HERC3: variants seen among roughly 807,000 people sequenced by gnomAD.
The protein encoded by HERC3 is probable E3 ubiquitin-protein ligase HERC3.
Under a neutral mutation model 129.9 loss-of-function variants are expected in HERC3, and 58 were observed. The ratio of observed to expected loss-of-function variants is 0.45; its 90% CI spans 0.36 to 0.56. The LOEUF is 0.56. HERC3 is among the 20% of genes least tolerant of loss of function. The pLI is 0.00. For missense variants in HERC3, 835 were observed against 1,244.2 expected, an observed-to-expected ratio of 0.67 and a Z score of 4.95; for synonymous variants, 430 against 451.0, an observed-to-expected ratio of 0.95 and a Z score of 0.59.
chr4:88,594,446 C>T (rs1722113615), intron 1 of HERC3, among the ~76,000 whole-genome samples: 1 of 152,172 alleles, frequency 6.6e-6, no homozygotes, highest in African/African-American at 2.4e-5. Context: ...CTCTGTTGCA[C>T]AGGCTGGAGT....
At chr4:88,704,677 A>G in intron 25 of HERC3, 67 bp downstream of exon 25, 2 of 940,050 alleles carry the variant, frequency 2.1e-6, no homozygotes, top group Non-Finnish European at 3.5e-6. Context: ...ATAGGATGAC[A>G]TGCTCCACAG....
chr4:88,616,476 G>C (rs1220043272), intron 3 of HERC3, among the ~76,000 whole-genome samples: 1 of 152,202 alleles, frequency 6.6e-6, no homozygotes, highest in Non-Finnish European at 1.5e-5. Context: ...TTAGTAAATA[G>C]AGTGCAATCC....
At chr4:88,674,914 T>A (rs535854413) in intron 16 of HERC3, among the ~76,000 whole-genome samples, 2 of 152,306 alleles carry the variant, frequency 1.3e-5, no homozygotes, top group East Asian at 3.9e-4. Context: ...TTAAAATTGC[T>A]TATAAATGAT....
At position 88,662,280 on chromosome 4, in the gene HERC3, C is replaced by A. The variant is rs902682876; in HGVS notation, c.1147-151C>A. On this transcript the variant is annotated intron_variant, in intron 10 of 25. Coordinates refer to ENST00000402738, the MANE Select transcript of HERC3 (RefSeq NM_014606.3). Reference sequence around the variant, plus strand: ...CCCAGCTGGGATCTGTCAGGAGCCTCCATTCTGAAGGGTGGAGGGGATCTG... The same window carrying A: ...CCCAGCTGGGATCTGTCAGGAGCCTACATTCTGAAGGGTGGAGGGGATCTG... The A allele has an allele frequency of 7.3e-6, 5 of 688,394 alleles. No individual in the cohort carries two copies. The African/African-American group carries it at 9.1e-5, about 13-fold the overall frequency. 42.6% of individuals were successfully genotyped at this position (688,394 alleles called of 1,614,324 possible). A position where few individuals can be genotyped will look rare whatever the true frequency, so the allele number is the denominator to read the frequency against.
intron 3 of HERC3, among the ~76,000 whole-genome samples, chr4:88,631,083 C>T (rs2149239953): frequency 6.6e-6 from 1 of 152,270 alleles, no homozygotes; most frequent in African/African-American, 2.4e-5. Flanking sequence ...TATTCAGAAA[C>T]ATTTTTCATA....
At chr4:88,609,360 T>C (rs1341588531) in intron 3 of HERC3, among the ~76,000 whole-genome samples, 2 of 152,200 alleles carry the variant, frequency 1.3e-5, no homozygotes, top group Non-Finnish European at 2.9e-5. Flanking sequence ...TACTCTTTCA[T>C]AGGTAGAGTA....
At chr4:88,533,091 G>A in the HERC3 span, among the ~76,000 whole-genome samples, 1 of 152,222 alleles carries the variant, frequency 6.6e-6, no homozygotes, top group Admixed American at 6.5e-5. Context: ...TGTGGCCGAA[G>A]GCCGGAGAAT....
intron 3 of HERC3, among the ~76,000 whole-genome samples, chr4:88,625,393 G>C (rs1725984592): frequency 6.6e-6 from 1 of 151,918 alleles, no homozygotes; most frequent in African/African-American, 2.4e-5. Context: ...TTACTTCTCA[G>C]TATACAGGTC....
chr4:88,695,253 T>G (rs1734484454), intron 23 of HERC3, among the ~76,000 whole-genome samples: 1 of 152,230 alleles, frequency 6.6e-6, no homozygotes. Flanking sequence ...CTCAACAATC[T>G]GTTGTGATTA....
At position 88,633,150 on chromosome 4, in the gene HERC3, G is replaced by A. The variant is rs1471081735; in HGVS notation, c.227-16690G>A. Among the ~76,000 whole-genome samples the A allele has an allele frequency of 2.3e-4, 35 of 152,200 alleles. 1 individual carries two copies. Among genetic ancestry groups the A allele is most frequent in the Admixed American group, 2.2e-3 (34 of 15,270 alleles). ...TCCAGCAAAAATAGCCTTTATAAAT[G>A]AAGGTGAAACAAAGGCAGTTTTAGG... is the stretch of plus-strand genomic sequence containing the variant. On this transcript the variant is annotated intron_variant, in intron 3 of 25. Transcript: ENST00000402738.
chr4:88,594,041 G>GA (rs1293424039), intron 1 of HERC3, among the ~76,000 whole-genome samples: 1 of 152,140 alleles, frequency 6.6e-6, no homozygotes, highest in African/African-American at 2.4e-5. Flanking sequence ...GAACAAGGAG[G>GA]ACAGGTTAGA....
chr4:88,684,225 G>C (rs1453936689), intron 21 of HERC3, among the ~76,000 whole-genome samples: 1 of 152,128 alleles, frequency 6.6e-6, no homozygotes, highest in Non-Finnish European at 1.5e-5. Flanking sequence ...TATACTGCAA[G>C]GCTATAGTAA....
chr4:88,588,574 A>G (rs1010242420), upstream of HERC3, among the ~76,000 whole-genome samples: 5 of 152,222 alleles, frequency 3.3e-5, no homozygotes, highest in Non-Finnish European at 7.3e-5. Flanking sequence ...TTATTCTTCA[A>G]TGGTGTATCT....
At chr4:88,578,801 T>C in the HERC3 span, among the ~76,000 whole-genome samples, 11 of 152,042 alleles carry the variant, frequency 7.2e-5, no homozygotes, top group Non-Finnish European at 1.5e-4. Flanking sequence ...AACAGAGGCA[T>C]GGGAAACGGA....
intron 23 of HERC3, chr4:88,697,135 T>C: frequency 7.1e-7 from 1 of 1,415,570 alleles, no homozygotes; most frequent in Non-Finnish European, 9.4e-7. Context: ...TTTAAGTCCA[T>C]CGATATTCTG....
chr4:88,634,773 G>A (rs147328282), intron 3 of HERC3, among the ~76,000 whole-genome samples: 6 of 145,706 alleles, frequency 4.1e-5, no homozygotes, highest in African/African-American at 1.5e-4. Context: ...AGTGCCCCTC[G>A]AGGTCAGAGG....
At chr4:88,524,423 A>T in the HERC3 span, among the ~76,000 whole-genome samples, 1 of 152,192 alleles carries the variant, frequency 6.6e-6, no homozygotes, top group African/African-American at 2.4e-5. Context: ...CCTGTTAAAG[A>T]TCCATTCAAT....
intron 12 of HERC3, among the ~76,000 whole-genome samples, chr4:88,665,155 G>A (rs1336656742): frequency 6.6e-6 from 1 of 152,216 alleles, no homozygotes; most frequent in Non-Finnish European, 1.5e-5. Context: ...TAAATAGATA[G>A]ATGGATGTAT....
the HERC3 span, among the ~76,000 whole-genome samples, chr4:88,584,736 G>T: frequency 6.6e-6 from 1 of 152,170 alleles, no homozygotes; most frequent in Admixed American, 6.5e-5. Context: ...CCAGCACCTT[G>T]ATAATGAATT....
Sources: allele counts gnomAD v4.1 joint callset (sites outside exome capture counted in the v4.1 genomes callset), GRCh38; gene constraint gnomAD v4.1.1; transcripts MANE v1.5; gene names NCBI Gene and HGNC (gene_info 2026-07-23, HGNC 2026-07-21).